The following ELMOD1 variants were observed in gnomAD, a reference collection of about 807,000 sequenced individuals.
ELMOD1 encodes the protein ELMO domain containing 1, also known as ELMO domain-containing protein 1.
In ELMOD1, 21 loss-of-function variants were observed where a neutral mutation model predicts 46.7. The observed-to-expected ratio is 0.45, with a 90% CI of 0.32 to 0.65. The LOEUF is 0.65. Ranked by LOEUF, ELMOD1 falls within the 30% of genes least tolerant of loss-of-function variation. ELMOD1 has a pLI of 0.04. For missense variants in ELMOD1, 348 were observed against 407.8 expected (o/e 0.85, Z 1.26); for synonymous variants, 122 against 138.2 (o/e 0.88, Z 0.82).
intron 11 of ELMOD1, among the ~76,000 whole-genome samples, chr11:107,662,625 A>AAAC (rs1866761551): frequency 7.1e-6 from 1 of 141,274 alleles, no homozygotes; most frequent in African/African-American, 2.7e-5. Flanking sequence ...AAAAAACAAC[A>AAAC]AAAAAAAACT....
In ELMOD1 at chr11:107,625,750, G is replaced by A. The variant is rs191752308; in HGVS notation, c.18-4667G>A. The stretch of plus-strand genomic sequence containing the variant: ...AGAGAATGAATGTTAAATAATAAAC[G>A]TGATCATAATTGCTTTATGGAAGAA... On this transcript the variant is annotated intron_variant, in intron 2 of 11. Coordinates refer to ENST00000265840, the MANE Select transcript of ELMOD1 (RefSeq NM_018712.4). 8.5e-5 allele frequency among the ~76,000 whole-genome samples: 13 copies of A among 152,326 alleles called. 1 individual carries two copies. The South Asian group carries it at 1.9e-3, about 22-fold the overall frequency.
intron 2 of ELMOD1, chr11:107,625,559 C>A: frequency 2.0e-6 from 2 of 985,298 alleles, no homozygotes; most frequent in Admixed American, 6.1e-5. Context: ...ACCCCACAGG[C>A]AAGGGGCTAC....
chr11:107,651,911 C>G (rs1866533094), intron 9 of ELMOD1, among the ~76,000 whole-genome samples: 1 of 152,180 alleles, frequency 6.6e-6, no homozygotes, highest in Non-Finnish European at 1.5e-5. Flanking sequence ...AGAAAAGCTT[C>G]ATAGTTGTAT....
chr11:107,615,871 G>A (rs1032286360), intron 1 of ELMOD1, among the ~76,000 whole-genome samples: 1 of 151,844 alleles, frequency 6.6e-6, no homozygotes, highest in African/African-American at 2.4e-5. Flanking sequence ...ATGTTTGGGG[G>A]AGTAAAGTGC....
chr11:107,633,623 G>T (rs1374185582), intron 5 of ELMOD1, among the ~76,000 whole-genome samples: 1 of 151,992 alleles, frequency 6.6e-6, no homozygotes, highest in African/African-American at 2.4e-5. Flanking sequence ...AGTAAAGATG[G>T]GGTTTTACCG....
chr11:107,644,483 CT>C (rs1389264095), intron 6 of ELMOD1, among the ~76,000 whole-genome samples: 4 of 150,042 alleles, frequency 2.7e-5, no homozygotes, highest in Middle Eastern at 3.4e-3. Flanking sequence ...ACTTTTTTTT[CT>C]TTTTTTTTGA....
intron 1 of ELMOD1, among the ~76,000 whole-genome samples, chr11:107,599,684 A>G (rs2212471): frequency 4.3e-4 from 65 of 150,010 alleles, no homozygotes; most frequent in African/African-American, 1.5e-3. Context: ...AGAGGTTACA[A>G]TGAGCCAAGA....
intron 5 of ELMOD1, among the ~76,000 whole-genome samples, chr11:107,635,432 C>A (rs1039430495): frequency 2.6e-5 from 4 of 152,078 alleles, no homozygotes; most frequent in African/African-American, 7.2e-5. Flanking sequence ...AGTCAGACTT[C>A]GAGGCAAATT....
At chr11:107,599,269 AT>A (rs1292316492) in intron 1 of ELMOD1, among the ~76,000 whole-genome samples, 2 of 152,064 alleles carry the variant, frequency 1.3e-5, no homozygotes, top group East Asian at 1.9e-4. Flanking sequence ...CCAAGAGAAA[AT>A]TTTTTTCCTT....
chr11:107,605,122 G>A (rs1591102164), intron 1 of ELMOD1, among the ~76,000 whole-genome samples: 1 of 151,462 alleles, frequency 6.6e-6, no homozygotes, highest in East Asian at 1.9e-4. Flanking sequence ...GATTTTGGGG[G>A]CAAAACAGAT....
intron 6 of ELMOD1, chr11:107,643,818 C>A: frequency 3.2e-6 from 1 of 316,154 alleles, no homozygotes. Flanking sequence ...AATCGTCAGG[C>A]CAGGTGCCCA....
intron 1 of ELMOD1, among the ~76,000 whole-genome samples, chr11:107,603,436 G>C (rs1238687546): frequency 6.6e-6 from 1 of 152,178 alleles, no homozygotes; most frequent in Admixed American, 6.5e-5. Flanking sequence ...CTACTAGGGA[G>C]GCTGAGGTGG....
chr11:107,645,289 C>T (rs530176139), intron 6 of ELMOD1, among the ~76,000 whole-genome samples: 16 of 150,848 alleles, frequency 1.1e-4, no homozygotes, highest in African/African-American at 3.9e-4. Flanking sequence ...CACCTGGTCT[C>T]ATTTAGTCTT....
At chr11:107,609,829 A>G (rs905868373) in intron 1 of ELMOD1, among the ~76,000 whole-genome samples, 1 of 152,220 alleles carries the variant, frequency 6.6e-6, no homozygotes, top group African/African-American at 2.4e-5. Context: ...GTTCAGGCCA[A>G]TGTCCCTGTA....
chr11:107,665,173 C>A lies in ELMOD1; in HGVS notation c.981C>A (p.Ala327=). The A allele has an allele frequency of 6.2e-7, 1 of 1,613,922 alleles. No homozygotes were observed. Among genetic ancestry groups the A allele is most frequent in the South Asian group, 1.1e-5 (1 of 91,066 alleles). The change falls in exon 12 of 12, where the codon GCC becomes GCA. Residue 327 remains alanine (A), a synonymous_variant. Transcript: ENST00000265840. ...TGGCGCTGTGCCCACATTTTGCTGC[C>A]TCGGAAGGTTTAATCAACATGTAGT... ...PDMALCPHFA[A]SEGLINM is the part of the protein sequence containing the mutation.
At chr11:107,639,205 A>C (rs547885876) in intron 6 of ELMOD1, among the ~76,000 whole-genome samples, 15 of 152,260 alleles carry the variant, frequency 9.9e-5, no homozygotes, top group African/African-American at 3.6e-4. Context: ...GTGTTTGCTG[A>C]TCCCTAGTTT....
intron 2 of ELMOD1, among the ~76,000 whole-genome samples, chr11:107,630,058 C>T (rs879421967): frequency 3.9e-5 from 6 of 152,092 alleles, no homozygotes; most frequent in Non-Finnish European, 7.3e-5. Context: ...TCTTCCCCCA[C>T]GTCAAAGGGA....
At chr11:107,627,394 C>T (rs1274477640) in intron 2 of ELMOD1, among the ~76,000 whole-genome samples, 7 of 152,202 alleles carry the variant, frequency 4.6e-5, no homozygotes, top group Non-Finnish European at 8.8e-5. Flanking sequence ...AGAAATGATG[C>T]TTCATCCCTA....
At chr11:107,650,227 T>C (rs1866500789) in intron 7 of ELMOD1, 108 bp from the exon 8 acceptor site, 1 of 744,226 alleles carries the variant, frequency 1.3e-6, no homozygotes, top group East Asian at 2.7e-5. Flanking sequence ...GATAACCTTA[T>C]GCCAGTATCC....
Sources: allele counts gnomAD v4.1 joint callset (sites outside exome capture counted in the v4.1 genomes callset), GRCh38; gene constraint gnomAD v4.1.1; transcripts MANE v1.5; gene names NCBI Gene and HGNC (gene_info 2026-07-23, HGNC 2026-07-21).